Variants in PPARGC1A observed in about 807,000 individuals in gnomAD.
PPARGC1A encodes peroxisome proliferator-activated receptor gamma coactivator 1-alpha.
Under a neutral mutation model 88.7 loss-of-function variants are expected in PPARGC1A, and 25 were observed. The observed-to-expected ratio is 0.28, with a 90% CI of 0.21 to 0.39. The LOEUF is 0.39. Ranked by LOEUF, PPARGC1A falls within the 10% of genes least tolerant of loss-of-function variation. The pLI is 1.00. For missense variants in PPARGC1A, 880 were observed against 968.7 expected, an observed-to-expected ratio of 0.91 and a Z score of 1.22; for synonymous variants, 363 against 355.6, an observed-to-expected ratio of 1.02 and a Z score of -0.24.
the PPARGC1A span, among the ~76,000 whole-genome samples, chr4:24,144,504 A>T: frequency 6.6e-6 from 1 of 151,922 alleles, no homozygotes; most frequent in Admixed American, 6.6e-5. Flanking sequence ...GGATATTCAC[A>T]TTCAGATGTG....
At chr4:24,377,602 G>T in the PPARGC1A span, among the ~76,000 whole-genome samples, 1 of 152,040 alleles carries the variant, frequency 6.6e-6, no homozygotes, top group South Asian at 2.1e-4. Flanking sequence ...TGGTTTCGTG[G>T]GCATTTGGAG....
the PPARGC1A span, among the ~76,000 whole-genome samples, chr4:24,339,209 TG>T: frequency 2.6e-5 from 1 of 38,690 alleles, no homozygotes; most frequent in Non-Finnish European, 6.5e-5. Context: ...TGTGTGTGTG[TG>T]TGTATATATA....
chr4:24,279,238 T>C, the PPARGC1A span, among the ~76,000 whole-genome samples: 1 of 152,198 alleles, frequency 6.6e-6, no homozygotes, highest in Non-Finnish European at 1.5e-5. Context: ...CGTTTTGCTT[T>C]TTCCCGCTAC....
At chr4:24,121,585 C>G in the PPARGC1A span, among the ~76,000 whole-genome samples, 1 of 152,094 alleles carries the variant, frequency 6.6e-6, no homozygotes. Context: ...CACCTCAGAT[C>G]CAGCCTCCAC....
chr4:24,078,711 T>G, the PPARGC1A span, among the ~76,000 whole-genome samples: 1 of 152,126 alleles, frequency 6.6e-6, no homozygotes, highest in Non-Finnish European at 1.5e-5. Context: ...AGCTTAAATT[T>G]CAGTATTATT....
the PPARGC1A span, among the ~76,000 whole-genome samples, chr4:24,456,228 C>G: frequency 6.6e-6 from 1 of 152,150 alleles, no homozygotes; most frequent in Non-Finnish European, 1.5e-5. Flanking sequence ...GTAACTGATG[C>G]ATTGAAGTCC....
At chr4:24,101,820 C>T in the PPARGC1A span, among the ~76,000 whole-genome samples, 1 of 152,102 alleles carries the variant, frequency 6.6e-6, no homozygotes, top group Non-Finnish European at 1.5e-5. Flanking sequence ...TTCATGGATT[C>T]GAAAAGCACA....
chr4:24,443,830 A>C, the PPARGC1A span, among the ~76,000 whole-genome samples: 183 of 150,052 alleles, frequency 1.2e-3, 1 homozygote, highest in African/African-American at 3.9e-3. Flanking sequence ...CTGGGGTTAC[A>C]GGCTTGAGCC....
the PPARGC1A span, among the ~76,000 whole-genome samples, chr4:23,974,356 C>T: frequency 6.6e-6 from 1 of 152,058 alleles, no homozygotes. Flanking sequence ...TTGCTATATA[C>T]CAGGAAATTG....
chr4:24,317,721 C>T, the PPARGC1A span, among the ~76,000 whole-genome samples: 1 of 151,954 alleles, frequency 6.6e-6, no homozygotes, highest in East Asian at 1.9e-4. Flanking sequence ...CTGCTGTTCT[C>T]CACAGCCCCA....
the PPARGC1A span, among the ~76,000 whole-genome samples, chr4:24,437,833 TTTTGG>T: frequency 6.6e-6 from 1 of 151,764 alleles, no homozygotes; most frequent in Non-Finnish European, 1.5e-5. Flanking sequence ...TTTTTGTTTC[TTTTGG>T]TTTTGGTTTT....
the PPARGC1A span, among the ~76,000 whole-genome samples, chr4:24,109,542 G>C: frequency 6.6e-6 from 1 of 152,118 alleles, no homozygotes; most frequent in South Asian, 2.1e-4. Flanking sequence ...TGGTATTTAT[G>C]GAATAAGCTT....
At chr4:23,921,109 A>G in the PPARGC1A span, among the ~76,000 whole-genome samples, 56 of 152,128 alleles carry the variant, frequency 3.7e-4, 1 homozygote, top group African/African-American at 1.3e-3. Context: ...CTTTGAGCAC[A>G]GTGCAAAGCG....
At chr4:23,956,758 A>T in the PPARGC1A span, among the ~76,000 whole-genome samples, 2 of 152,156 alleles carry the variant, frequency 1.3e-5, no homozygotes. Flanking sequence ...CAATGCACAC[A>T]TAATAAAATT....
chr4:24,063,422 T>G, the PPARGC1A span, among the ~76,000 whole-genome samples: 1 of 152,186 alleles, frequency 6.6e-6, no homozygotes, highest in Non-Finnish European at 1.5e-5. Flanking sequence ...GGGCTCCACA[T>G]ACTTTTCTGG....
chr4:23,850,349 T>C lies in PPARGC1A; in HGVS notation c.235-18598A>G, dbSNP rs746100345. On this transcript the variant is annotated intron_variant, in intron 2 of 12. Coordinates refer to ENST00000264867, the MANE Select transcript of PPARGC1A (RefSeq NM_013261.5). ...ATAAGAAGAGAAGCAAGAATTTTCTTTGAGCTTCTGTGACAGTGCTCAGAG... is the reference window on the plus strand; with the variant it reads ...ATAAGAAGAGAAGCAAGAATTTTCTCTGAGCTTCTGTGACAGTGCTCAGAG... 6.8e-4 allele frequency among the ~76,000 whole-genome samples: 104 copies of C among 152,346 alleles called. 1 individual carries two copies. Among genetic ancestry groups the C allele is most frequent in the African/African-American group, 2.1e-3 (87 of 41,570 alleles).
intron 2 of PPARGC1A, among the ~76,000 whole-genome samples, chr4:23,856,138 C>G (rs1308389826): frequency 6.6e-6 from 1 of 152,160 alleles, no homozygotes; most frequent in Non-Finnish European, 1.5e-5. Context: ...CCTATTCCCA[C>G]CCCATAGAGC....
the PPARGC1A span, among the ~76,000 whole-genome samples, chr4:24,151,097 A>G: frequency 6.6e-6 from 1 of 152,134 alleles, no homozygotes; most frequent in South Asian, 2.1e-4. Flanking sequence ...CTAAATTCTT[A>G]TTGCCTCTTG....
the PPARGC1A span, among the ~76,000 whole-genome samples, chr4:24,018,601 A>AT: frequency 6.6e-6 from 1 of 152,206 alleles, no homozygotes; most frequent in African/African-American, 2.4e-5. Context: ...TAATAAAAAA[A>AT]ATATATGGGG....
Sources: gnomAD v4.1 joint callset for allele counts (sites outside exome capture counted in the v4.1 genomes callset) on GRCh38, gnomAD v4.1.1 for gene constraint, MANE v1.5 for transcripts, NCBI Gene and HGNC (gene_info 2026-07-23, HGNC 2026-07-21) for gene names.